USP31: variants seen among roughly 807,000 people sequenced by gnomAD.
The protein encoded by USP31 is ubiquitin carboxyl-terminal hydrolase 31.
In USP31, 44 loss-of-function variants were observed where a neutral mutation model predicts 119.4. That is an observed-to-expected ratio of 0.37 (90% CI 0.29 to 0.47). The LOEUF (loss-of-function observed/expected upper bound fraction) is 0.47. Among genes scored for constraint, USP31 ranks in the 20% least tolerant of loss-of-function variants. The pLI is 0.99. For missense variants in USP31, 1,643 were observed against 1,730.2 expected (o/e 0.95, Z 0.89); for synonymous variants, 749 against 705.6 (o/e 1.06, Z -0.97).
Position 23,090,651 on chromosome 16 carries a change from C to A in USP31, c.1388G>T (p.Arg463Leu). 1 of 1,613,372 alleles carries A rather than the reference C, an allele frequency of 6.2e-7. No individual in the cohort carries two copies. Among genetic ancestry groups the A allele is most frequent in the Non-Finnish European group, 8.5e-7 (1 of 1,179,474 alleles). Residue 463 changes from arginine (R) to leucine (L), a missense_variant, in exon 7 of 16, where the codon CGA (arginine) becomes CTA (leucine). By Grantham distance (102) the Arg-to-Leu change is moderately radical. Coordinates refer to ENST00000219689, the MANE Select transcript of USP31 (RefSeq NM_020718.4). ...SDKIVLLVCN[R>L]ACTGQQGKRF... is the part of the protein sequence containing the mutation. ...TTTCCCTTGTTGCCCAGTGCAGGCT[C>A]GGTTACACACCAACAGGACAATCTT...
chr16:23,131,521 C>T (rs1567246354), intron 1 of USP31, among the ~76,000 whole-genome samples: 1 of 152,090 alleles, frequency 6.6e-6, no homozygotes, highest in African/African-American at 2.4e-5. Flanking sequence ...TCATCCAACT[C>T]ACAGGCAAAA....
At position 23,068,782 on chromosome 16, in the gene USP31, GAC is replaced by G; in HGVS notation, c.3321_3322del (p.Ser1108IlefsTer48). ...CTTCTGCTTCTGTGGCGAAGGAGAT[GAC>G]ACGGAGTCCTGAGATTTCGGGGATG... is the stretch of plus-strand genomic sequence containing the variant. On this transcript the variant is annotated frameshift_variant, in exon 16 of 16. Coordinates refer to ENST00000219689, the MANE Select transcript of USP31 (RefSeq NM_020718.4). LOFTEE classifies it high-confidence loss of function. 6.4e-7 allele frequency: 1 copy of G among 1,571,914 alleles called. No individual in the cohort carries two copies. The highest frequency in any genetic ancestry group is 1.4e-5 in the African/African-American group (1 of 73,452).
At chr16:23,134,768 A>G (rs540316258) in intron 1 of USP31, among the ~76,000 whole-genome samples, 1 of 152,122 alleles carries the variant, frequency 6.6e-6, no homozygotes, top group African/African-American at 2.4e-5. Flanking sequence ...GTAAGGGAAA[A>G]GGTCAGGTTA....
chr16:23,113,121 T>C (rs984420363), intron 1 of USP31, among the ~76,000 whole-genome samples: 10 of 152,144 alleles, frequency 6.6e-5, no homozygotes, highest in South Asian at 2.1e-4. Flanking sequence ...GGTGTCACTA[T>C]ACTGACGGAT....
At chr16:23,093,645 A>G (rs977095930) in intron 6 of USP31, among the ~76,000 whole-genome samples, 2 of 152,226 alleles carry the variant, frequency 1.3e-5, no homozygotes. Flanking sequence ...ACAACCATAG[A>G]ATTATGATAT....
intron 11 of USP31, among the ~76,000 whole-genome samples, chr16:23,083,192 A>C (rs745940269): frequency 2.6e-5 from 4 of 152,210 alleles, no homozygotes; most frequent in Non-Finnish European, 5.9e-5. Context: ...TGATCAAGAC[A>C]GATGGAGTAC....
chr16:23,106,944 C>A (rs578222084), intron 2 of USP31, among the ~76,000 whole-genome samples: 214 of 152,172 alleles, frequency 1.4e-3, no homozygotes, highest in African/African-American at 5.0e-3. Context: ...GAAACCCCAT[C>A]TCTGCTAAAA....
Position 23,086,963 on chromosome 16 carries a change from G to A in USP31, c.1622+129C>T, listed in dbSNP as rs780947104. ...CAAGCACAAATCAAAAGTAAAATAAGTACTTAATTTCGAAATAAGCCTAAA... is the reference window on the plus strand; with the variant it reads ...CAAGCACAAATCAAAAGTAAAATAAATACTTAATTTCGAAATAAGCCTAAA... On this transcript the variant is annotated intron_variant, in intron 9 of 15. Transcript: ENST00000219689. 3.0e-4 allele frequency: 193 copies of A among 639,344 alleles called. 1 individual carries two copies. Among genetic ancestry groups the A allele is most frequent in the Admixed American group, 2.6e-4 (8 of 31,044 alleles). 39.6% of individuals were successfully genotyped at this position (639,344 alleles called of 1,614,324 possible). A position where few individuals can be genotyped will look rare whatever the true frequency, so the allele number is the denominator to read the frequency against.
Position 23,061,887 on chromosome 16 carries a change from G to C in USP31, c.*6159C>G, listed in dbSNP as rs1009595322. On this transcript the variant is annotated 3_prime_UTR_variant, in exon 16 of 16. Coordinates refer to ENST00000219689, the MANE Select transcript of USP31 (RefSeq NM_020718.4). Reference sequence around the variant, plus strand: ...TAAATTCAATTTTAACCAGTGGTGAGAGGCACAGTTGGTGAGCAGACCTCT... The same window carrying C: ...TAAATTCAATTTTAACCAGTGGTGACAGGCACAGTTGGTGAGCAGACCTCT... The C allele has an allele frequency of 1.3e-5, 2 of 152,674 alleles. No individual in the cohort carries two copies. The highest frequency in any genetic ancestry group is 2.4e-5 in the African/African-American group (1 of 41,456). 9.5% of individuals were successfully genotyped at this position (152,674 alleles called of 1,614,324 possible).
chr16:23,126,946 G>A (rs930780752), intron 1 of USP31, among the ~76,000 whole-genome samples: 6 of 152,162 alleles, frequency 3.9e-5, no homozygotes, highest in African/African-American at 1.4e-4. Context: ...TTTAAACAAT[G>A]AAAGAATAAA....
At chr16:23,120,716 G>A (rs181428262) in intron 1 of USP31, among the ~76,000 whole-genome samples, 7 of 152,280 alleles carry the variant, frequency 4.6e-5, no homozygotes, top group Non-Finnish European at 1.0e-4. Flanking sequence ...ACAGACATAC[G>A]AACTCAGCAC....
At chr16:23,109,810 C>G (rs1902245270) in intron 1 of USP31, among the ~76,000 whole-genome samples, 1 of 130,944 alleles carries the variant, frequency 7.6e-6, no homozygotes, top group Non-Finnish European at 1.6e-5. Flanking sequence ...AGGAAAACAT[C>G]AGACAAAACC....
chr16:23,102,160 C>T lies in USP31; in HGVS notation c.1234+159G>A, dbSNP rs914526105. Among the ~76,000 whole-genome samples, 4 of 151,896 alleles carry T rather than the reference C, an allele frequency of 2.6e-5. No individual in the cohort carries two copies. The South Asian group carries it at 8.3e-4, about 32-fold the overall frequency. Reference sequence around the variant, plus strand: ...GCTGCCTTCTTCTAGGAAAATATTACTATAAGATTTTTACCATTATACCAT... The same window carrying T: ...GCTGCCTTCTTCTAGGAAAATATTATTATAAGATTTTTACCATTATACCAT... On this transcript the variant is annotated intron_variant, in intron 6 of 15. Coordinates refer to ENST00000219689, the MANE Select transcript of USP31 (RefSeq NM_020718.4).
intron 13 of USP31, among the ~76,000 whole-genome samples, chr16:23,074,990 A>G (rs1031876849): frequency 5.9e-5 from 9 of 152,218 alleles, no homozygotes; most frequent in Admixed American, 2.6e-4. Flanking sequence ...TAAGGTCCTG[A>G]GAGGCACCAG....
At chr16:23,073,125 T>C (rs960076356) in intron 14 of USP31, among the ~76,000 whole-genome samples, 2 of 152,106 alleles carry the variant, frequency 1.3e-5, no homozygotes, top group East Asian at 3.9e-4. Context: ...TGTGTGTGGG[T>C]ACTGGTCCCT....
Position 23,072,137 on chromosome 16 carries a change from G to C in USP31, c.2396C>G (p.Ala799Gly). The change falls in exon 15 of 16, where the codon GCC (alanine) becomes GGC (glycine). Residue 799 changes from alanine to glycine, a missense_variant. Ala to Gly is a moderately conservative substitution (Grantham distance 60, BLOSUM62 0). Around this residue, in one of 5 missense-constraint regions of USP31, gnomAD observed 279 missense variants for 372.2 expected, o/e 0.75. Transcript: ENST00000219689. ...WVSRLPGSKPASVTSAASSRR... is the reference protein window; with the variant it reads ...WVSRLPGSKPGSVTSAASSRR... ...GGAGGAAGCTGCAGAGGTCACGCTG[G>C]CTGGCTTGCTGCCCGGGAGCCGGCT... The C allele has an allele frequency of 1.2e-6, 2 of 1,612,422 alleles. No individual in the cohort carries two copies. Among genetic ancestry groups the C allele is most frequent in the Middle Eastern group, 3.3e-4 (2 of 6,062 alleles).
intron 15 of USP31, 109 bp downstream of exon 15, chr16:23,071,936 G>C (rs1353741218): frequency 1.4e-6 from 2 of 1,438,214 alleles, no homozygotes; most frequent in Non-Finnish European, 1.9e-6. Context: ...AGCTCCCTTT[G>C]GGTTCTCCTA....
chr16:23,071,242 A>G (rs893108759), intron 15 of USP31, among the ~76,000 whole-genome samples: 7 of 152,106 alleles, frequency 4.6e-5, no homozygotes, highest in African/African-American at 1.7e-4. Context: ...ACTCAATTTC[A>G]TTTTCTCAGA....
intron 1 of USP31, among the ~76,000 whole-genome samples, chr16:23,126,320 TAAAAAAAA>T (rs71279502): frequency 7.5e-5 from 8 of 107,168 alleles, no homozygotes; most frequent in Non-Finnish European, 1.4e-4. Flanking sequence ...CCTGTCTCTT[TAAAAAAAA>T]AAAAAAAAAA....
Sources: allele counts gnomAD v4.1 joint callset (sites outside exome capture counted in the v4.1 genomes callset), GRCh38; gene constraint gnomAD v4.1.1; regional missense constraint gnomAD v4.1.1; transcripts MANE v1.5; gene names NCBI Gene and HGNC (gene_info 2026-07-23, HGNC 2026-07-21).